CPB1: variants seen among roughly 807,000 people sequenced by gnomAD.
CPB1 encodes the protein carboxypeptidase B.
Under a neutral mutation model 51.4 loss-of-function variants are expected in CPB1, and 53 were observed. That is an observed-to-expected ratio of 1.03 (90% CI 0.83 to 1.30). The LOEUF (loss-of-function observed/expected upper bound fraction) is 1.30. Ranked by LOEUF, CPB1 falls within the 50% of genes most tolerant of loss-of-function variation. CPB1 has a pLI of 0.00. For missense variants in CPB1, 494 were observed against 516.2 expected (o/e 0.96, Z 0.42); for synonymous variants, 189 against 186.9 (o/e 1.01, Z -0.09).
intron 9 of CPB1, among the ~76,000 whole-genome samples, chr3:148,853,589 G>A (rs1713493057): frequency 6.6e-6 from 1 of 152,168 alleles, no homozygotes; most frequent in Non-Finnish European, 1.5e-5. Context: ...AAAATTCATA[G>A]CTAAGGATTA....
intron 2 of CPB1, among the ~76,000 whole-genome samples, chr3:148,830,897 A>G (rs1017274568): frequency 1.3e-5 from 2 of 152,202 alleles, no homozygotes; most frequent in Non-Finnish European, 2.9e-5. Flanking sequence ...TATTTTCAAC[A>G]TGATTGAAAT....
chr3:148,835,694 G>C (rs918595505), intron 3 of CPB1, among the ~76,000 whole-genome samples: 3 of 152,186 alleles, frequency 2.0e-5, no homozygotes, highest in Non-Finnish European at 2.9e-5. Context: ...TTGGGCTCCG[G>C]TCCTGAACAT....
rs1713706755 is a variant in CPB1, at chr3:148,860,043, C to T, written c.*41C>T. 2.6e-6 allele frequency: 4 copies of T among 1,565,844 alleles called. No homozygotes were observed. In the East Asian group the frequency reaches 6.8e-5, roughly 26 times the overall value. The stretch of plus-strand genomic sequence containing the variant: ...GCCTTGTTTCAAAATTCTCATTTTT[C>T]ATTTCTTTTCTTTCTTGAATTCTTA... On this transcript the variant is annotated 3_prime_UTR_variant, in exon 11 of 11. Transcript: ENST00000282957.
At chr3:148,833,355 G>A (rs1041568514) in intron 2 of CPB1, among the ~76,000 whole-genome samples, 1 of 152,100 alleles carries the variant, frequency 6.6e-6, no homozygotes, top group African/African-American at 2.4e-5. Context: ...GATTTCTACA[G>A]TGGTTTGAAG....
At chr3:148,851,291 T>A (rs1713420093) in intron 9 of CPB1, 1 of 127,378 alleles carries the variant, frequency 7.9e-6, no homozygotes, top group Non-Finnish European at 1.5e-5. Context: ...GCCAAGATCA[T>A]GCCACTGCAC....
intron 3 of CPB1, among the ~76,000 whole-genome samples, chr3:148,835,247 A>AT (rs1712867965): frequency 6.6e-6 from 1 of 152,194 alleles, no homozygotes; most frequent in African/African-American, 2.4e-5. Context: ...AGTAAAGGCA[A>AT]TTGTCCATTT....
intron 8 of CPB1, among the ~76,000 whole-genome samples, chr3:148,845,200 G>T (rs1301093131): frequency 6.6e-6 from 1 of 152,020 alleles, no homozygotes; most frequent in Non-Finnish European, 1.5e-5. Context: ...AGACACATTG[G>T]TGATTCCATA....
In CPB1 at chr3:148,840,781, A is replaced by C. The variant is rs1191288375; in HGVS notation, c.368A>C (p.Glu123Ala). The change falls in exon 4 of 11, where the codon GAA becomes GCA. Residue 123 changes from glutamate (E) to alanine (A), a missense_variant. Transcript: ENST00000282957. ...AGTTATGAGAAGTACAACAAGTGGG[A>C]AACGGTATGATGTGCACATGATTTA... The part of the protein sequence containing the change: ...GHSYEKYNKW[E>A]TIEAWTQQVA... 3 of 1,613,964 alleles carry C rather than the reference A, an allele frequency of 1.9e-6. No homozygotes were observed. The highest frequency in any genetic ancestry group is 2.5e-6 in the Non-Finnish European group (3 of 1,179,954).
intron 6 of CPB1, among the ~76,000 whole-genome samples, chr3:148,844,074 A>G (rs1713162456): frequency 6.6e-6 from 1 of 152,198 alleles, no homozygotes; most frequent in Non-Finnish European, 1.5e-5. Flanking sequence ...AGCTATCCAC[A>G]GACACGTCTT....
chr3:148,846,401 A>G (rs970274170), intron 9 of CPB1, among the ~76,000 whole-genome samples: 1 of 152,108 alleles, frequency 6.6e-6, no homozygotes, highest in Admixed American at 6.6e-5. Context: ...TGGCACCAAT[A>G]AACTAAAAGA....
chr3:148,840,298 G>A (rs1428326722), intron 3 of CPB1, among the ~76,000 whole-genome samples: 1 of 136,274 alleles, frequency 7.3e-6, no homozygotes, highest in Non-Finnish European at 1.7e-5. Flanking sequence ...GAAAAGTCCT[G>A]AGGAAGAAAG....
intron 2 of CPB1, among the ~76,000 whole-genome samples, chr3:148,829,744 G>A (rs1016907246): frequency 2.0e-5 from 3 of 152,082 alleles, no homozygotes; most frequent in Non-Finnish European, 2.9e-5. Context: ...AATAGGTCAG[G>A]AGTCACAGAA....
At chr3:148,856,819 T>G (rs1349846849) in intron 9 of CPB1, 1 of 152,220 alleles carries the variant, frequency 6.6e-6, no homozygotes, top group Non-Finnish European at 1.5e-5. Context: ...TTTTTTTAAT[T>G]CTGAAATTCA....
rs141235515 is a variant in CPB1, at chr3:148,834,474, C to T, written c.148-24C>T. ...CTTCATCCATTGAATTATAGGTATC[C>T]AATATATCTTGTCCTTTATTCAGAT... On this transcript the variant is annotated intron_variant, in intron 2 of 10. Coordinates refer to ENST00000282957, the MANE Select transcript of CPB1 (RefSeq NM_001871.3). 1,158 of 1,607,152 alleles carry T rather than the reference C, an allele frequency of 7.2e-4. 4 individuals carry two copies. In the African/African-American group the frequency reaches 1.0e-2, roughly 14 times the overall value.
At chr3:148,843,924 C>A (rs985795516) in intron 6 of CPB1, among the ~76,000 whole-genome samples, 5 of 152,116 alleles carry the variant, frequency 3.3e-5, no homozygotes, top group African/African-American at 1.2e-4. Context: ...AGAGCCTCCC[C>A]AAAATCCATG....
At chr3:148,830,075 G>A (rs962022846) in intron 2 of CPB1, among the ~76,000 whole-genome samples, 2 of 152,018 alleles carry the variant, frequency 1.3e-5, no homozygotes, top group Non-Finnish European at 2.9e-5. Context: ...AAACCATACT[G>A]GCTCCCAGAG....
At chr3:148,846,583 A>G (rs977097334) in intron 9 of CPB1, among the ~76,000 whole-genome samples, 1 of 151,400 alleles carries the variant, frequency 6.6e-6, no homozygotes, top group African/African-American at 2.4e-5. Flanking sequence ...GAGACCAAAT[A>G]AAATATGTAA....
In CPB1 at chr3:148,840,902, C is replaced by A; in HGVS notation, c.401C>A (p.Thr134Asn). ...TIEAWTQQVA[T>N]ENPALISRSV... ...GAGGCTTGGACTCAACAAGTCGCCACTGAGAATCCAGCCCTCATCTCTCGC... is the reference window on the plus strand; with the variant it reads ...GAGGCTTGGACTCAACAAGTCGCCAATGAGAATCCAGCCCTCATCTCTCGC... The change falls in exon 5 of 11, where the codon ACT (threonine) becomes AAT (asparagine). Residue 134 changes from threonine to asparagine, a missense_variant. Transcript: ENST00000282957. 6.2e-7 allele frequency: 1 copy of A among 1,614,164 alleles called. No individual in the cohort carries two copies. The highest frequency in any genetic ancestry group is 1.1e-5 in the South Asian group (1 of 91,080).
intron 3 of CPB1, among the ~76,000 whole-genome samples, chr3:148,836,311 T>C (rs1712900606): frequency 6.6e-6 from 1 of 152,162 alleles, no homozygotes; most frequent in Non-Finnish European, 1.5e-5. Context: ...ACCTGGTAAG[T>C]CTCAAAATGT....
Sources: allele counts gnomAD v4.1 joint callset (sites outside exome capture counted in the v4.1 genomes callset), GRCh38; gene constraint gnomAD v4.1.1; transcripts MANE v1.5; gene names NCBI Gene and HGNC (gene_info 2026-07-23, HGNC 2026-07-21).